Variants in PRKAG2 observed in about 807,000 individuals in gnomAD.
PRKAG2 encodes the protein protein kinase AMP-activated non-catalytic subunit gamma 2.
Under a neutral mutation model 69.6 loss-of-function variants are expected in PRKAG2, and 26 were observed. The observed-to-expected ratio is 0.37, with a 90% CI of 0.27 to 0.52. The LOEUF is 0.52. Among genes scored for constraint, PRKAG2 ranks in the 20% least tolerant of loss-of-function variants. PRKAG2 has a pLI of 0.90. For synonymous variants in PRKAG2, 293 were observed against 285.0 expected, an observed-to-expected ratio of 1.03 and a Z score of -0.28; for missense variants, 557 against 740.0, an observed-to-expected ratio of 0.75 and a Z score of 2.87.
intron 3 of PRKAG2, among the ~76,000 whole-genome samples, chr7:151,696,530 C>T (rs1836704434): frequency 6.6e-6 from 1 of 152,200 alleles, no homozygotes. Context: ...CATCATCTCT[C>T]CTTTGACTGA....
At chr7:151,820,314 C>T (rs1053139106) in intron 1 of PRKAG2, among the ~76,000 whole-genome samples, 1 of 152,256 alleles carries the variant, frequency 6.6e-6, no homozygotes, top group African/African-American at 2.4e-5. Context: ...TCTCTGACCT[C>T]GCTCCTACCC....
intron 1 of PRKAG2, among the ~76,000 whole-genome samples, chr7:151,802,028 T>G (rs951029194): frequency 6.6e-6 from 1 of 152,118 alleles, no homozygotes; most frequent in Non-Finnish European, 1.5e-5. Context: ...CTGCAGGGCC[T>G]GGTGGCTGCT....
chr7:151,728,701 G>C (rs150959603), intron 3 of PRKAG2, among the ~76,000 whole-genome samples: 192 of 152,278 alleles, frequency 1.3e-3, no homozygotes, highest in African/African-American at 4.5e-3. Flanking sequence ...TCTCTGCTGG[G>C]AACCCGGGCT....
chr7:151,845,156 T>A (rs1019883715), intron 1 of PRKAG2, among the ~76,000 whole-genome samples: 2 of 151,002 alleles, frequency 1.3e-5, no homozygotes, highest in African/African-American at 2.4e-5. Context: ...TCGGCATCCC[T>A]CTCCTGGCAG....
chr7:151,622,447 A>G (rs1433077478), intron 5 of PRKAG2, among the ~76,000 whole-genome samples: 2 of 152,226 alleles, frequency 1.3e-5, no homozygotes, highest in Non-Finnish European at 2.9e-5. Context: ...AACACAAAAA[A>G]ACCATTGGCA....
chr7:151,707,250 A>T (rs1225737303), intron 3 of PRKAG2, among the ~76,000 whole-genome samples: 2 of 152,156 alleles, frequency 1.3e-5, no homozygotes, highest in Non-Finnish European at 2.9e-5. Flanking sequence ...GCAGCAGGAG[A>T]ATGAACAGCA....
chr7:151,605,797 G>T (rs1485301753), intron 5 of PRKAG2, among the ~76,000 whole-genome samples: 2 of 152,122 alleles, frequency 1.3e-5, no homozygotes, highest in Non-Finnish European at 2.9e-5. Context: ...AATTAGCCTG[G>T]CATGATAGCA....
intron 5 of PRKAG2, among the ~76,000 whole-genome samples, chr7:151,612,535 C>A (rs1386547089): frequency 6.6e-6 from 1 of 152,184 alleles, no homozygotes; most frequent in East Asian, 1.9e-4. Context: ...ACCTGGGGAA[C>A]CCCCTGCTTC....
intron 9 of PRKAG2, 57 bp from the exon 10 acceptor site, chr7:151,570,282 AAC>A: frequency 6.4e-7 from 1 of 1,553,606 alleles, no homozygotes; most frequent in South Asian, 1.1e-5. Context: ...TTGCAGTTAT[AAC>A]ACAAATTCAA....
chr7:151,721,374 A>ACAGGGCCAGGGC (rs769549411), intron 3 of PRKAG2, among the ~76,000 whole-genome samples: 3 of 132,242 alleles, frequency 2.3e-5, no homozygotes, highest in East Asian at 2.8e-4. Flanking sequence ...AGGGCTGAAG[A>ACAGGGCCAGGGC]CAGGGCCAGG....
At chr7:151,722,597 G>A (rs764919118) in intron 3 of PRKAG2, among the ~76,000 whole-genome samples, 1 of 152,084 alleles carries the variant, frequency 6.6e-6, no homozygotes. Flanking sequence ...AGTGGCGGGG[G>A]TAGGATCCTG....
rs181891877 is a variant in PRKAG2, at chr7:151,586,056, C to A, written c.864+9289G>T. Among the ~76,000 whole-genome samples the A allele has an allele frequency of 2.8e-3, 433 of 152,346 alleles. 1 individual carries two copies. Among genetic ancestry groups the A allele is most frequent in the Non-Finnish European group, 4.5e-3 (308 of 68,032 alleles). ...GCTGAGGGCCGTCCCACTGCCCCTG[C>A]ACAGAGTGAGGAGTGCTGGACTATG... is the stretch of plus-strand genomic sequence containing the variant. On this transcript the variant is annotated intron_variant, in intron 6 of 15. Transcript: ENST00000287878.
chr7:151,739,553 T>G (rs979124884), intron 3 of PRKAG2, among the ~76,000 whole-genome samples: 6 of 152,060 alleles, frequency 3.9e-5, no homozygotes, highest in Admixed American at 3.3e-4. Flanking sequence ...CACTGCAGCC[T>G]CCGCCTCCTG....
At chr7:151,833,606 T>C (rs963339319) in intron 1 of PRKAG2, among the ~76,000 whole-genome samples, 2 of 152,082 alleles carry the variant, frequency 1.3e-5, no homozygotes, top group African/African-American at 2.4e-5. Flanking sequence ...CAGAAACCCA[T>C]CTGGTCCCCA....
intron 3 of PRKAG2, among the ~76,000 whole-genome samples, chr7:151,712,031 T>A (rs1333457048): frequency 1.3e-5 from 2 of 152,152 alleles, no homozygotes; most frequent in Non-Finnish European, 2.9e-5. Flanking sequence ...GGAGGAGGTG[T>A]ACAGATCCCA....
chr7:151,675,310 G>A (rs749162024), intron 4 of PRKAG2, 110 bp downstream of exon 4: 1 of 1,049,558 alleles, frequency 9.5e-7, no homozygotes, highest in East Asian at 2.6e-5. Flanking sequence ...GATGTCGGGA[G>A]CACACGACCT....
chr7:151,855,976 G>A (rs11762640), intron 1 of PRKAG2, among the ~76,000 whole-genome samples: 36,296 of 152,192 alleles, frequency 0.24, 5,153 homozygotes, highest in South Asian at 0.35. Flanking sequence ...AAAGTAAGGC[G>A]GTCTCTGGAG....
intron 5 of PRKAG2, among the ~76,000 whole-genome samples, chr7:151,619,938 T>C (rs1191257650): frequency 6.6e-6 from 1 of 152,182 alleles, no homozygotes; most frequent in Non-Finnish European, 1.5e-5. Flanking sequence ...GGAGAATCAC[T>C]TGAATCCAGG....
chr7:151,669,159 T>C (rs954753924), intron 4 of PRKAG2, among the ~76,000 whole-genome samples: 3 of 152,232 alleles, frequency 2.0e-5, no homozygotes, highest in African/African-American at 7.2e-5. Context: ...CTTTCCCCAG[T>C]AGGGTTTGAG....
Sources: gnomAD v4.1 joint callset for allele counts (sites outside exome capture counted in the v4.1 genomes callset) on GRCh38, gnomAD v4.1.1 for gene constraint, MANE v1.5 for transcripts, NCBI Gene and HGNC (gene_info 2026-07-23, HGNC 2026-07-21) for gene names.